The following MACROD1 variants were observed in gnomAD, a reference collection of about 807,000 sequenced individuals.
The protein encoded by MACROD1 is mono-ADP ribosylhydrolase 1, also known as ADP-ribose glycohydrolase MACROD1.
Under a neutral mutation model 41.4 loss-of-function variants are expected in MACROD1, and 31 were observed. The observed-to-expected ratio is 0.75, with a 90% confidence interval of 0.56 to 1.01. MACROD1 has a LOEUF of 1.01. Ranked by LOEUF, MACROD1 falls within the 50% of genes least tolerant of loss-of-function variation. MACROD1 has a pLI of 0.00. For missense variants in MACROD1, 473 were observed against 460.0 expected (o/e 1.03, Z -0.26); for synonymous variants, 252 against 203.4 (o/e 1.24, Z -2.03).
At chr11:64,108,468 G>A (rs1652081926) in intron 3 of MACROD1, among the ~76,000 whole-genome samples, 1 of 152,210 alleles carries the variant, frequency 6.6e-6, no homozygotes, top group Non-Finnish European at 1.5e-5. Context: ...CTGAGCACCA[G>A]GAAGCAGCGG....
chr11:64,160,679 G>A (rs990216688), intron 1 of MACROD1, among the ~76,000 whole-genome samples: 8 of 152,056 alleles, frequency 5.3e-5, no homozygotes, highest in African/African-American at 1.9e-4. Context: ...AGCCAGGCAT[G>A]GTGGCACATG....
At position 63,999,676 on chromosome 11, in the gene MACROD1, A is replaced by G; in HGVS notation, c.752T>C (p.Leu251Pro). ...GAGCCGGTGCTCCAGCAGCAGGTCC[A>G]GACTGCTCAGGTAGCAGCTGCGGAG... ...AELRSCYLSS[L>P]DLLLEHRLRS... The change falls in exon 6 of 11, where the codon CTG (leucine) becomes CCG (proline). Residue 251 changes from leucine to proline, a missense_variant. Leu to Pro is a moderately conservative substitution (Grantham distance 98, BLOSUM62 -3). Transcript: ENST00000255681. 2 of 1,609,508 alleles carry G rather than the reference A, an allele frequency of 1.2e-6. No homozygotes were observed. Among genetic ancestry groups the G allele is most frequent in the Non-Finnish European group, 1.7e-6 (2 of 1,179,138 alleles).
At chr11:64,106,091 G>A (rs1315826545) in intron 3 of MACROD1, among the ~76,000 whole-genome samples, 1 of 152,150 alleles carries the variant, frequency 6.6e-6, no homozygotes, top group Non-Finnish European at 1.5e-5. Flanking sequence ...GGGTGAGGAG[G>A]GATGGCCAAG....
chr11:64,010,137 GTTGGGGTGTTGGTTGAAGTGTTGC>G (rs1942980817), intron 4 of MACROD1, among the ~76,000 whole-genome samples: 1 of 150,410 alleles, frequency 6.6e-6, no homozygotes, highest in Non-Finnish European at 1.5e-5. Flanking sequence ...TGGGGGGTTG[GTTGGGGTGTTGGTTGAAGTGTTGC>G]CTGGGGTGTT....
intron 5 of MACROD1, chr11:63,999,994 CGA>C: frequency 1.6e-6 from 1 of 643,302 alleles, no homozygotes; most frequent in Non-Finnish European, 2.6e-6. Context: ...GACCCGAGCG[CGA>C]GTGTGGGCGC....
chr11:64,148,430 C>T (rs1008758514), intron 3 of MACROD1, among the ~76,000 whole-genome samples: 3 of 152,212 alleles, frequency 2.0e-5, no homozygotes, highest in Non-Finnish European at 4.4e-5. Flanking sequence ...GCGGCCAGAT[C>T]TCAAGCTCCC....
At chr11:64,099,075 C>T (rs1275551306) in intron 3 of MACROD1, among the ~76,000 whole-genome samples, 1 of 152,244 alleles carries the variant, frequency 6.6e-6, no homozygotes. Flanking sequence ...GGCAGTGGCT[C>T]TAGAAGATAG....
chr11:64,143,736 C>G (rs543501752), intron 3 of MACROD1, among the ~76,000 whole-genome samples: 2 of 126,890 alleles, frequency 1.6e-5, no homozygotes, highest in South Asian at 4.7e-4. Flanking sequence ...TCCCTTCCCC[C>G]AACCCCGACA....
intron 3 of MACROD1, among the ~76,000 whole-genome samples, chr11:64,026,742 C>T (rs1353274566): frequency 6.6e-6 from 1 of 152,130 alleles, no homozygotes; most frequent in Non-Finnish European, 1.5e-5. Context: ...TTTTCTCTTC[C>T]TTCAATAGGT....
chr11:64,055,745 G>A (rs1943773921), intron 3 of MACROD1, among the ~76,000 whole-genome samples: 1 of 152,186 alleles, frequency 6.6e-6, no homozygotes, highest in Admixed American at 6.5e-5. Flanking sequence ...GTGGCAGGGG[G>A]ATTCCCTGCT....
chr11:64,165,937 G>C lies in MACROD1; in HGVS notation c.58C>G (p.Leu20Val), dbSNP rs1945837776. Residue 20 changes from leucine to valine, a missense_variant, in exon 1 of 11, where the codon CTG (leucine) becomes GTG (valine). Leu to Val is a conservative substitution (Grantham distance 32). Coordinates refer to ENST00000255681, the MANE Select transcript of MACROD1 (RefSeq NM_014067.4). ...GGCCGGGGGCGCGGGGGGACGAGCAGCTGCCCCGCCGCGCGCAGCTGTGCC... is the reference window on the plus strand; with the variant it reads ...GGCCGGGGGCGCGGGGGGACGAGCACCTGCCCCGCCGCGCGCAGCTGTGCC... ...RLAQLRAAGQ[L>V]LVPPRPRPGH... 1 of 1,322,402 alleles carries C rather than the reference G, an allele frequency of 7.6e-7. No homozygotes were observed. The highest frequency in any genetic ancestry group is 2.2e-5 in the South Asian group (1 of 45,780). The allele number at this position is 1,322,402 out of a possible 1,614,324, so 81.9% of individuals were successfully genotyped here. A position where few individuals can be genotyped will look rare whatever the true frequency, so the allele number is the denominator to read the frequency against.
intron 3 of MACROD1, among the ~76,000 whole-genome samples, chr11:64,150,269 C>G (rs1264623569): frequency 6.6e-6 from 1 of 152,238 alleles, no homozygotes; most frequent in East Asian, 1.9e-4. Context: ...CACCATGCCC[C>G]AGAGTCACTG....
Position 64,122,587 on chromosome 11 carries a change from G to A in MACROD1, c.517+28652C>T, listed in dbSNP as rs894869013. ...CAAAGCCAGGCAGAGAGCTGAGGAG[G>A]GGGTCGGGGAGATGTTTCCAGAGCG... On this transcript the variant is annotated intron_variant, in intron 3 of 10. Coordinates refer to ENST00000255681, the MANE Select transcript of MACROD1 (RefSeq NM_014067.4). This position sits in a 1 kb window ranked among gnomAD's most constrained non-coding sequence, Gnocchi z 4.0. 6.6e-6 allele frequency among the ~76,000 whole-genome samples: 1 copy of A among 152,230 alleles called. No individual in the cohort carries two copies. The highest frequency in any genetic ancestry group is 2.4e-5 in the African/African-American group (1 of 41,456).
chr11:64,063,026 G>C (rs1230759491), intron 3 of MACROD1, among the ~76,000 whole-genome samples: 1 of 152,242 alleles, frequency 6.6e-6, no homozygotes, highest in African/African-American at 2.4e-5. Flanking sequence ...GAGGGATTCA[G>C]TGAGATATAA....
intron 3 of MACROD1, among the ~76,000 whole-genome samples, chr11:64,119,511 G>A (rs547752991): frequency 4.3e-5 from 6 of 140,214 alleles, no homozygotes; most frequent in Middle Eastern, 3.5e-3. Context: ...GGTAATTAGC[G>A]CAGGGATTTT....
chr11:64,047,730 C>G (rs1031840955), intron 3 of MACROD1, among the ~76,000 whole-genome samples: 3 of 151,938 alleles, frequency 2.0e-5, no homozygotes, highest in African/African-American at 7.3e-5. Context: ...AACCCCTTCT[C>G]TACCAAAAAT....
rs1590901712 is a variant in MACROD1 at position 64,096,147 on chromosome 11, A to T, written c.517+55092T>A. On this transcript the variant is annotated intron_variant, in intron 3 of 10. Coordinates refer to ENST00000255681, the MANE Select transcript of MACROD1 (RefSeq NM_014067.4). This position sits in a 1 kb window ranked among gnomAD's most constrained non-coding sequence, Gnocchi z 4.6. ...CCCAGACCCTGGAGGCCAGGAGGGGACCAGGGCTGCCCGCCGGCTCCACCA... is the reference window on the plus strand; with the variant it reads ...CCCAGACCCTGGAGGCCAGGAGGGGTCCAGGGCTGCCCGCCGGCTCCACCA... 6.6e-6 allele frequency among the ~76,000 whole-genome samples: 1 copy of T among 152,194 alleles called. No individual in the cohort carries two copies. The highest frequency in any genetic ancestry group is 1.5e-5 in the Non-Finnish European group (1 of 68,018).
chr11:64,134,517 G>A (rs1240862807), intron 3 of MACROD1, among the ~76,000 whole-genome samples: 1 of 152,206 alleles, frequency 6.6e-6, no homozygotes, highest in Non-Finnish European at 1.5e-5. Context: ...CAGCCCCGCT[G>A]AGACTTGCTG....
intron 3 of MACROD1, among the ~76,000 whole-genome samples, chr11:64,033,746 CAGG>C (rs1273463509): frequency 6.6e-6 from 1 of 152,026 alleles, no homozygotes; most frequent in South Asian, 2.1e-4. Context: ...GAGGCTGAGG[CAGG>C]AGAATTGCTT....
Sources: allele counts gnomAD v4.1 joint callset (sites outside exome capture counted in the v4.1 genomes callset), GRCh38; gene constraint gnomAD v4.1.1; non-coding constraint Gnocchi (gnomAD v3.1); transcripts MANE v1.5; gene names NCBI Gene and HGNC (gene_info 2026-07-23, HGNC 2026-07-21).